GPC6: variants seen among roughly 807,000 people sequenced by gnomAD.
GPC6 encodes glypican 6.
GPC6 carries 14 observed loss-of-function variants against 55.2 expected under a neutral mutation model. The observed-to-expected ratio is 0.25, with a 90% CI of 0.17 to 0.40. GPC6 has a LOEUF of 0.40. GPC6 is among the 10% of genes least tolerant of loss of function. The pLI is 1.00. For missense variants in GPC6, 641 were observed against 708.5 expected, an observed-to-expected ratio of 0.90 and a Z score of 1.08; for synonymous variants, 278 against 259.6, an observed-to-expected ratio of 1.07 and a Z score of -0.68.
chr13:94,351,989 GA>G (rs1209493375), intron 6 of GPC6, among the ~76,000 whole-genome samples: 4 of 143,040 alleles, frequency 2.8e-5, no homozygotes, highest in East Asian at 2.1e-4. Context: ...AAAAGAAAAA[GA>G]AAAAAAATAA....
intron 2 of GPC6, among the ~76,000 whole-genome samples, chr13:93,693,757 G>C (rs888899839): frequency 1.3e-5 from 2 of 152,088 alleles, no homozygotes; most frequent in Non-Finnish European, 2.9e-5. Context: ...AAATTGTTGG[G>C]ATTACAGGAG....
At chr13:93,593,208 G>T (rs1033530527) in intron 2 of GPC6, among the ~76,000 whole-genome samples, 1 of 152,008 alleles carries the variant, frequency 6.6e-6, no homozygotes, top group Non-Finnish European at 1.5e-5. Context: ...TGGCAAATTT[G>T]ATTATTTTTA....
chr13:94,206,299 C>G (rs1164303572), intron 4 of GPC6, among the ~76,000 whole-genome samples: 1 of 151,928 alleles, frequency 6.6e-6, no homozygotes, highest in Non-Finnish European at 1.5e-5. Flanking sequence ...TCTCTTTTTT[C>G]TTTCTCATTC....
chr13:93,786,869 T>TA (rs1248410526), intron 2 of GPC6, among the ~76,000 whole-genome samples: 3 of 152,326 alleles, frequency 2.0e-5, no homozygotes, highest in Admixed American at 2.0e-4. Flanking sequence ...AAAAATGTGA[T>TA]ATTATTTTCA....
chr13:93,506,822 C>T (rs1032170532), intron 1 of GPC6, among the ~76,000 whole-genome samples: 1 of 144,336 alleles, frequency 6.9e-6, no homozygotes, highest in African/African-American at 2.6e-5. Flanking sequence ...GGGCGGATCG[C>T]GATGTCAGGA....
rs71736430 is a variant in GPC6, at chr13:93,744,528, C to CTTTTTTTTT, written c.320-85608_320-85600dup. ...TTCCTCCAAACCTGCTTTCCCTAGTCTTTTTTTTTTTTTTTTTTTTTTTTT... is the reference window on the plus strand; with the variant it reads ...TTCCTCCAAACCTGCTTTCCCTAGTCTTTTTTTTTTTTTTTTTTTTTTTTTTTTTTTTTT... On this transcript the variant is annotated intron_variant, in intron 2 of 8. Coordinates refer to ENST00000377047, the MANE Select transcript of GPC6 (RefSeq NM_005708.5). Among the ~76,000 whole-genome samples, 232 of 97,162 alleles carry CTTTTTTTTT rather than the reference C, an allele frequency of 2.4e-3. 33 individuals carry two copies. The highest frequency in any genetic ancestry group is 3.2e-3 in the Non-Finnish European group (166 of 52,530). The allele number at this position is 97,162 out of a possible 152,430, so 63.7% of individuals were successfully genotyped here.
chr13:93,561,523 C>A (rs949415554), intron 2 of GPC6, among the ~76,000 whole-genome samples: 1 of 151,316 alleles, frequency 6.6e-6, no homozygotes, highest in Non-Finnish European at 1.5e-5. Flanking sequence ...TATTTCACAT[C>A]CGCTAATAGG....
rs556380840 is a variant in GPC6 at position 93,404,822 on chromosome 13, T to C, written c.161-140441T>C. 1.6e-3 allele frequency among the ~76,000 whole-genome samples: 225 copies of C among 144,854 alleles called. 2 individuals are homozygous for C. The highest frequency in any genetic ancestry group is 5.4e-3 in the African/African-American group (218 of 40,520). The stretch of plus-strand genomic sequence containing the variant: ...TCTGATATTTATTTATTTAATTAAT[T>C]AGATTAACAACAATAACAGTTATGA... On this transcript the variant is annotated intron_variant, in intron 1 of 8. Transcript: ENST00000377047.
chr13:94,273,730 G>C (rs1020153239), intron 4 of GPC6, among the ~76,000 whole-genome samples: 2 of 152,124 alleles, frequency 1.3e-5, no homozygotes, highest in African/African-American at 4.8e-5. Flanking sequence ...CTTTGGGTTG[G>C]TCCAAATTAA....
chr13:93,572,675 C>A (rs1056433744), intron 2 of GPC6, among the ~76,000 whole-genome samples: 1 of 152,088 alleles, frequency 6.6e-6, no homozygotes, highest in Non-Finnish European at 1.5e-5. Flanking sequence ...AGATAGTATA[C>A]CTAATTGGTT....
intron 3 of GPC6, among the ~76,000 whole-genome samples, chr13:94,025,076 A>T (rs547409430): frequency 6.6e-6 from 1 of 152,360 alleles, no homozygotes; most frequent in East Asian, 1.9e-4. Flanking sequence ...TTATATCCCC[A>T]ATATTGGCAA....
intron 2 of GPC6, among the ~76,000 whole-genome samples, chr13:93,701,999 A>G: frequency 6.6e-6 from 1 of 152,078 alleles, no homozygotes; most frequent in Admixed American, 6.6e-5. Flanking sequence ...CTCTTCCATG[A>G]ATTATAAATG....
At chr13:94,071,461 A>G (rs570074507) in intron 4 of GPC6, among the ~76,000 whole-genome samples, 1 of 152,328 alleles carries the variant, frequency 6.6e-6, no homozygotes, top group African/African-American at 2.4e-5. Context: ...TCTGACTTCC[A>G]CATGCCCTTT....
intron 6 of GPC6, among the ~76,000 whole-genome samples, chr13:94,351,962 CAAAA>C (rs60206836): frequency 0.053 from 5,330 of 101,184 alleles, 99 homozygotes; most frequent in East Asian, 0.085. Flanking sequence ...GAGAAGAAGG[CAAAA>C]AAAAAAAAAA....
intron 4 of GPC6, among the ~76,000 whole-genome samples, chr13:94,209,075 G>T (rs1277058714): frequency 1.1e-3 from 170 of 152,244 alleles, no homozygotes; most frequent in African/African-American, 3.7e-3. Flanking sequence ...GAATAGGTAT[G>T]TGTAATATTT....
chr13:93,240,045 C>A (rs1052547879), intron 1 of GPC6, among the ~76,000 whole-genome samples: 3 of 151,924 alleles, frequency 2.0e-5, no homozygotes, highest in African/African-American at 4.8e-5. Context: ...TGTTTTGTGG[C>A]CTATTGTATG....
At chr13:94,042,380 A>C (rs1883573895) in intron 4 of GPC6, among the ~76,000 whole-genome samples, 1 of 151,858 alleles carries the variant, frequency 6.6e-6, no homozygotes, top group South Asian at 2.1e-4. Context: ...ATACTACAAC[A>C]ATAAGACCAA....
At chr13:93,489,162 A>G (rs374602883) in intron 1 of GPC6, among the ~76,000 whole-genome samples, 3 of 151,540 alleles carry the variant, frequency 2.0e-5, no homozygotes, top group Non-Finnish European at 2.9e-5. Context: ...GTGTAAGGAA[A>G]GGATCCAGTT....
At chr13:94,335,524 A>G (rs1269984719) in intron 6 of GPC6, among the ~76,000 whole-genome samples, 3 of 152,174 alleles carry the variant, frequency 2.0e-5, no homozygotes, top group African/African-American at 7.2e-5. Context: ...TCAGAGGCAA[A>G]TTTACAGTCT....
Sources: allele counts gnomAD v4.1 joint callset (sites outside exome capture counted in the v4.1 genomes callset), GRCh38; gene constraint gnomAD v4.1.1; transcripts MANE v1.5; gene names NCBI Gene and HGNC (gene_info 2026-07-23, HGNC 2026-07-21).